Variants in COP1 observed in about 807,000 individuals in gnomAD.
COP1 encodes the protein COP1 E3 ubiquitin ligase, also known as E3 ubiquitin-protein ligase COP1.
A neutral mutation model predicts 101.3 loss-of-function variants in COP1; 24 were observed. That is an observed-to-expected ratio of 0.24 (90% CI 0.17 to 0.33). The LOEUF (loss-of-function observed/expected upper bound fraction) is 0.33, where lower values mean the gene tolerates loss of function less well. Among genes scored for constraint, COP1 ranks in the 10% least tolerant of loss-of-function variants. COP1 has a pLI of 1.00. For synonymous variants in COP1, 347 were observed against 341.9 expected, an observed-to-expected ratio of 1.01 and a Z score of -0.17; for missense variants, 663 against 906.2, an observed-to-expected ratio of 0.73 and a Z score of 3.45.
rs544325626 is a variant in COP1 at position 176,115,229 on chromosome 1, A to T, written c.1026+1395T>A. On this transcript the variant is annotated intron_variant, in intron 9 of 19. Transcript: ENST00000367669. ...TCTGGGAGGCCAAGGTGGGTAGATC[A>T]CCTGAGATCAGGAGTTTGAGACCAG... Among the ~76,000 whole-genome samples, 4 of 152,296 alleles carry T rather than the reference A, an allele frequency of 2.6e-5. No homozygotes were observed. The South Asian group carries it at 8.3e-4, about 32-fold the overall frequency.
At chr1:176,059,746 GC>G (rs34544345) in intron 11 of COP1, among the ~76,000 whole-genome samples, 2 of 152,162 alleles carry the variant, frequency 1.3e-5, no homozygotes, top group Non-Finnish European at 2.9e-5. Flanking sequence ...CTCCCAAAGT[GC>G]TAGGATTACA....
At chr1:176,004,980 C>T (rs1312858312) in intron 15 of COP1, among the ~76,000 whole-genome samples, 2 of 151,796 alleles carry the variant, frequency 1.3e-5, no homozygotes, top group Non-Finnish European at 1.5e-5. Context: ...TCCATCTGGT[C>T]CTGGACTCTT....
At chr1:175,984,676 A>C (rs1455085136) in intron 18 of COP1, among the ~76,000 whole-genome samples, 3 of 152,178 alleles carry the variant, frequency 2.0e-5, no homozygotes, top group African/African-American at 7.2e-5. Context: ...CCAGCTCGTT[A>C]AAGCAGCCAG....
chr1:176,113,748 G>A (rs1284926949), intron 9 of COP1, among the ~76,000 whole-genome samples: 1 of 152,122 alleles, frequency 6.6e-6, no homozygotes, highest in Non-Finnish European at 1.5e-5. Context: ...AAAGGATTAA[G>A]GCACTTGTTA....
chr1:175,991,502 G>GTA (rs2148764317), intron 15 of COP1, among the ~76,000 whole-genome samples: 1 of 152,256 alleles, frequency 6.6e-6, no homozygotes, highest in East Asian at 1.9e-4. Flanking sequence ...GACGTTAACA[G>GTA]TATACCTAGG....
At chr1:176,193,345 A>G (rs1699316575) in intron 1 of COP1, among the ~76,000 whole-genome samples, 1 of 152,196 alleles carries the variant, frequency 6.6e-6, no homozygotes, top group Non-Finnish European at 1.5e-5. Flanking sequence ...TGCAGCTACT[A>G]TGGAAAACTG....
At chr1:175,957,130 T>C (rs1415642596) in intron 18 of COP1, among the ~76,000 whole-genome samples, 1 of 151,766 alleles carries the variant, frequency 6.6e-6, no homozygotes, top group Non-Finnish European at 1.5e-5. Flanking sequence ...AGTTAATTTA[T>C]TATTGAAGAA....
chr1:175,954,406 GAC>G (rs1336736013), intron 18 of COP1, among the ~76,000 whole-genome samples: 1 of 151,922 alleles, frequency 6.6e-6, no homozygotes, highest in Non-Finnish European at 1.5e-5. Context: ...GTACAAGAAT[GAC>G]AGTCATGAAG....
chr1:175,955,766 C>CCACACACA (rs60306255), intron 18 of COP1, among the ~76,000 whole-genome samples: 4,173 of 129,232 alleles, frequency 0.032, 122 homozygotes, highest in Middle Eastern at 0.095. Context: ...TAGAGACAAA[C>CCACACACA]CACACACACA....
chr1:176,101,882 G>C (rs1437853443), intron 9 of COP1, among the ~76,000 whole-genome samples: 1 of 152,146 alleles, frequency 6.6e-6, no homozygotes, highest in Non-Finnish European at 1.5e-5. Context: ...CACCCTGTCA[G>C]CAGGAAGCAG....
chr1:176,191,911 C>T (rs879637029), intron 1 of COP1, among the ~76,000 whole-genome samples: 15 of 152,022 alleles, frequency 9.9e-5, no homozygotes, highest in Non-Finnish European at 1.9e-4. Flanking sequence ...AATAGCATAG[C>T]GGCAATCATT....
intron 15 of COP1, among the ~76,000 whole-genome samples, chr1:176,027,209 C>T (rs1434497856): frequency 6.6e-6 from 1 of 151,988 alleles, no homozygotes; most frequent in Non-Finnish European, 1.5e-5. Flanking sequence ...AATAGTTTGC[C>T]TTAAAAAAAG....
At chr1:176,048,551 T>C (rs895287988) in intron 11 of COP1, among the ~76,000 whole-genome samples, 1 of 152,182 alleles carries the variant, frequency 6.6e-6, no homozygotes, top group African/African-American at 2.4e-5. Flanking sequence ...CCCAACTCAA[T>C]TTATACCCAT....
At chr1:176,022,957 G>T (rs1268345314) in intron 15 of COP1, among the ~76,000 whole-genome samples, 1 of 152,184 alleles carries the variant, frequency 6.6e-6, no homozygotes, top group Non-Finnish European at 1.5e-5. Flanking sequence ...CTTGTGCTTT[G>T]AATGTTTCTG....
chr1:176,148,150 A>AG (rs1486179513), intron 6 of COP1, among the ~76,000 whole-genome samples: 1 of 152,198 alleles, frequency 6.6e-6, no homozygotes, highest in Non-Finnish European at 1.5e-5. Context: ...TATTAAAATC[A>AG]CAACTAAATT....
At chr1:175,966,661 G>A (rs992586743) in intron 18 of COP1, among the ~76,000 whole-genome samples, 1 of 152,120 alleles carries the variant, frequency 6.6e-6, no homozygotes, top group Non-Finnish European at 1.5e-5. Flanking sequence ...AAGGTGTCTT[G>A]GGTGGTCACT....
Position 175,989,441 on chromosome 1 carries a change from G to C in COP1, c.1768C>G (p.Gln590Glu). 6.2e-7 allele frequency: 1 copy of C among 1,607,812 alleles called. No homozygotes were observed. The highest frequency in any genetic ancestry group is 8.5e-7 in the Non-Finnish European group (1 of 1,174,326). ...VHYYDLRNTK[Q>E]PIMVFKGHRK... ...TGTCCTTTGAATACCATGATTGGCTGTTTAGTGTTACGAAGATCATAGTAG... is the reference window on the plus strand; with the variant it reads ...TGTCCTTTGAATACCATGATTGGCTCTTTAGTGTTACGAAGATCATAGTAG... Residue 590 changes from glutamine to glutamate, a missense_variant, in exon 16 of 20, where the codon CAG (glutamine) becomes GAG (glutamate). Gln to Glu is a conservative substitution (Grantham distance 29). Around this residue, in one of 4 missense-constraint regions of COP1, gnomAD observed 209 missense variants for 383.3 expected, o/e 0.55. Coordinates refer to ENST00000367669, the MANE Select transcript of COP1 (RefSeq NM_022457.7).
intron 14 of COP1, among the ~76,000 whole-genome samples, chr1:176,040,314 C>G (rs907899406): frequency 2.6e-5 from 4 of 151,574 alleles, no homozygotes; most frequent in Non-Finnish European, 5.9e-5. Context: ...CCCCCTTTTC[C>G]CTCCTTCTCT....
chr1:175,972,478 T>G (rs957193710), intron 18 of COP1, among the ~76,000 whole-genome samples: 12 of 150,562 alleles, frequency 8.0e-5, no homozygotes, highest in African/African-American at 2.7e-4. Context: ...TTTTTTTTTT[T>G]TTTTTGAGAC....
Sources: allele counts gnomAD v4.1 joint callset (sites outside exome capture counted in the v4.1 genomes callset), GRCh38; gene constraint gnomAD v4.1.1; regional missense constraint gnomAD v4.1.1; transcripts MANE v1.5; gene names NCBI Gene and HGNC (gene_info 2026-07-23, HGNC 2026-07-21).